RGSL1: variants seen among roughly 807,000 people sequenced by gnomAD.
The protein encoded by RGSL1 is regulator of G protein signaling protein-like.
Under a neutral mutation model 124.7 loss-of-function variants are expected in RGSL1, and 97 were observed. The ratio of observed to expected loss-of-function variants is 0.78; its 90% CI spans 0.66 to 0.92. The LOEUF (loss-of-function observed/expected upper bound fraction) is 0.92. RGSL1 is among the 40% of genes least tolerant of loss of function. RGSL1 has a pLI of 0.00. For synonymous variants in RGSL1, 424 were observed against 438.1 expected (o/e 0.97, Z 0.40); for missense variants, 1,233 against 1,288.4 (o/e 0.96, Z 0.66).
intron 10 of RGSL1, 43 bp from the exon 11 acceptor site, chr1:182,527,536 A>T (rs749851143): frequency 4.5e-5 from 67 of 1,479,178 alleles, no homozygotes; most frequent in Non-Finnish European, 6.4e-6. Flanking sequence ...ATCCAGAATC[A>T]TCATTCCTTT....
At position 182,458,367 on chromosome 1, in the gene RGSL1, T is replaced by C; in HGVS notation, c.145T>C (p.Leu49=). ...FYTVENSQWS[L]WPEIPCNLIA... is the part of the protein sequence containing the mutation. ...TACTGTTGAAAATTCACAGTGGAGC[T>C]TGTGGCCAGAAATACCTTGTAACTT... Residue 49 remains leucine, a synonymous_variant, in exon 3 of 22, where the codon TTG becomes CTG. Coordinates refer to ENST00000294854, the MANE Select transcript of RGSL1 (RefSeq NM_001137669.2). 6.4e-7 allele frequency: 1 copy of C among 1,552,148 alleles called. No homozygotes were observed. Among genetic ancestry groups the C allele is most frequent in the Non-Finnish European group, 8.7e-7 (1 of 1,147,080 alleles).
intron 9 of RGSL1, among the ~76,000 whole-genome samples, chr1:182,497,749 A>G (rs991713539): frequency 1.3e-5 from 2 of 152,172 alleles, no homozygotes; most frequent in Non-Finnish European, 2.9e-5. Context: ...GTCTATTTTT[A>G]CAGAGGTCCC....
intron 9 of RGSL1, among the ~76,000 whole-genome samples, chr1:182,519,485 T>C (rs1409031570): frequency 2.7e-5 from 1 of 37,148 alleles, no homozygotes; most frequent in Non-Finnish European, 6.9e-5. Flanking sequence ...AAGAAAATAG[T>C]TCTTTTTTTC....
intron 9 of RGSL1, 21 bp downstream of exon 9, chr1:182,493,150 A>C (rs1268778233): frequency 4.8e-6 from 7 of 1,462,532 alleles, no homozygotes; most frequent in Admixed American, 2.0e-5. Context: ...AAAATCAGGG[A>C]TAGACGAGGC....
chr1:182,533,296 C>CTTTTTTTTTT (rs71573276), intron 14 of RGSL1, among the ~76,000 whole-genome samples: 4 of 107,736 alleles, frequency 3.7e-5, no homozygotes, highest in East Asian at 3.5e-4. Context: ...TAACTTGCTT[C>CTTTTTTTTTT]TTTTTTTTTT....
At chr1:182,486,470 T>A (rs1655105026) in intron 6 of RGSL1, among the ~76,000 whole-genome samples, 1 of 151,874 alleles carries the variant, frequency 6.6e-6, no homozygotes, top group Admixed American at 6.6e-5. Flanking sequence ...GTGGGTGGCA[T>A]GCGCCTCCCA....
intron 9 of RGSL1, among the ~76,000 whole-genome samples, chr1:182,511,120 G>C (rs1657418094): frequency 6.6e-6 from 1 of 152,092 alleles, no homozygotes; most frequent in Non-Finnish European, 1.5e-5. Flanking sequence ...TATATGATGA[G>C]AGATAGAGGT....
Position 182,488,384 on chromosome 1 carries a change from A to G in RGSL1, c.1494+37A>G, listed in dbSNP as rs954324571. The G allele has an allele frequency of 3.8e-5, 57 of 1,497,264 alleles. No homozygotes were observed. The Middle Eastern group carries it at 1.5e-3, about 40-fold the overall frequency. 92.7% of individuals were successfully genotyped at this position (1,497,264 alleles called of 1,614,324 possible). A position where few individuals can be genotyped will look rare whatever the true frequency, so the allele number is the denominator to read the frequency against. On this transcript the variant is annotated intron_variant, in intron 7 of 21. Coordinates refer to ENST00000294854, the MANE Select transcript of RGSL1 (RefSeq NM_001137669.2). Reference sequence around the variant, plus strand: ...TTTGGGTTAGGAAGGAATCATGAGGATGAGGGAAGAAGAAAGAGTAATTAC... The same window carrying G: ...TTTGGGTTAGGAAGGAATCATGAGGGTGAGGGAAGAAGAAAGAGTAATTAC...
intron 18 of RGSL1, among the ~76,000 whole-genome samples, chr1:182,552,232 G>C (rs1324781891): frequency 1.3e-5 from 2 of 151,982 alleles, no homozygotes; most frequent in African/African-American, 4.8e-5. Context: ...TCCTGCCTCA[G>C]CCTCCCGGGT....
chr1:182,552,842 C>T (rs1486260067), intron 18 of RGSL1, among the ~76,000 whole-genome samples: 1 of 152,114 alleles, frequency 6.6e-6, no homozygotes, highest in Admixed American at 6.5e-5. Context: ...ATAACAAACC[C>T]ACTCCCATGA....
At chr1:182,522,986 C>T (rs1366648351) in intron 10 of RGSL1, among the ~76,000 whole-genome samples, 5 of 151,902 alleles carry the variant, frequency 3.3e-5, no homozygotes, top group Admixed American at 6.6e-5. Context: ...AAATCTCTGG[C>T]AGAATATTTT....
At chr1:182,501,816 A>G (rs1015634125) in intron 9 of RGSL1, among the ~76,000 whole-genome samples, 7 of 152,312 alleles carry the variant, frequency 4.6e-5, no homozygotes, top group African/African-American at 1.7e-4. Flanking sequence ...GCCGAGTTTA[A>G]GAAGAATTGA....
intron 9 of RGSL1, among the ~76,000 whole-genome samples, chr1:182,497,746 T>G (rs1372919366): frequency 1.3e-5 from 2 of 152,202 alleles, no homozygotes; most frequent in South Asian, 4.1e-4. Context: ...CAAGTCTATT[T>G]TTACAGAGGT....
chr1:182,457,465 T>C (rs1652438414), intron 2 of RGSL1, among the ~76,000 whole-genome samples: 1 of 152,200 alleles, frequency 6.6e-6, no homozygotes, highest in East Asian at 1.9e-4. Context: ...AGACTTACAA[T>C]TGTAACATGC....
chr1:182,459,128 T>C (rs1430879906), intron 3 of RGSL1, among the ~76,000 whole-genome samples: 2 of 152,232 alleles, frequency 1.3e-5, no homozygotes, highest in Non-Finnish European at 2.9e-5. Context: ...ATGGGCCACA[T>C]AATTATTGTC....
chr1:182,488,201 T>C (rs1655239891), intron 6 of RGSL1, 84 bp from the exon 7 acceptor site: 1 of 1,340,948 alleles, frequency 7.5e-7, no homozygotes, highest in Non-Finnish European at 1.0e-6. Context: ...TTCAGCCTAC[T>C]CTGCTCCCAG....
intron 9 of RGSL1, among the ~76,000 whole-genome samples, chr1:182,512,596 G>C (rs1295408478): frequency 1.3e-5 from 2 of 152,142 alleles, no homozygotes; most frequent in Non-Finnish European, 2.9e-5. Flanking sequence ...CAAAGCCCCA[G>C]TGTGTGTGCC....
At chr1:182,464,682 C>T (rs1447446265) in intron 4 of RGSL1, among the ~76,000 whole-genome samples, 1 of 151,298 alleles carries the variant, frequency 6.6e-6, no homozygotes, top group Non-Finnish European at 1.5e-5. Flanking sequence ...CATGATCATG[C>T]CATTGCACTC....
chr1:182,538,223 C>T (rs1258876089), intron 14 of RGSL1, among the ~76,000 whole-genome samples: 1 of 152,088 alleles, frequency 6.6e-6, no homozygotes, highest in South Asian at 2.1e-4. Context: ...CAAAAGTGGA[C>T]GTTCCGATAA....
Sources: allele counts gnomAD v4.1 joint callset (sites outside exome capture counted in the v4.1 genomes callset), GRCh38; gene constraint gnomAD v4.1.1; transcripts MANE v1.5; gene names NCBI Gene and HGNC (gene_info 2026-07-23, HGNC 2026-07-21).